KIF26B: variants seen among roughly 807,000 people sequenced by gnomAD.
KIF26B encodes the protein kinesin-like protein KIF26B.
Under a neutral mutation model 151.2 loss-of-function variants are expected in KIF26B, and 63 were observed. The ratio of observed to expected loss-of-function variants is 0.42; its 90% CI spans 0.34 to 0.51. KIF26B has a LOEUF of 0.51. Among genes scored for constraint, KIF26B ranks in the 20% least tolerant of loss-of-function variants. The probability of loss-of-function intolerance (pLI) is 0.07; values close to 1 mark genes in which losing one functional copy is unlikely to be tolerated. For synonymous variants in KIF26B, 1,357 were observed against 1,262.1 expected (o/e 1.08, Z -1.59); for missense variants, 2,813 against 2,913.6 (o/e 0.97, Z 0.79).
rs1558232535 is a variant in KIF26B, at chr1:245,602,817, G to A, written c.1557+34G>A. On this transcript the variant is annotated intron_variant, in intron 6 of 14. Coordinates refer to ENST00000407071, the MANE Select transcript of KIF26B (RefSeq NM_018012.4). The surrounding 1 kb of genome is among the most constrained non-coding windows in gnomAD (Gnocchi z 4.5). ...CAGCCCCCTCTCAGGCTCAGGCAAC[G>A]TTGATGAAAGGGCAACGTTTACTCA... 8.8e-6 allele frequency: 14 copies of A among 1,597,570 alleles called. No homozygotes were observed. Among genetic ancestry groups the A allele is most frequent in the East Asian group, 2.2e-5 (1 of 44,800 alleles).
At chr1:245,653,654 C>T (rs553622431) in intron 10 of KIF26B, among the ~76,000 whole-genome samples, 14 of 152,276 alleles carry the variant, frequency 9.2e-5, no homozygotes, top group South Asian at 4.2e-4. Flanking sequence ...CACCCCCCAC[C>T]GAGTACAGTT....
intron 2 of KIF26B, among the ~76,000 whole-genome samples, chr1:245,328,197 C>A (rs928009617): frequency 6.7e-6 from 1 of 149,898 alleles, no homozygotes; most frequent in African/African-American, 2.5e-5. Context: ...GGTGCCTGAG[C>A]CTCCTGTGCC....
intron 3 of KIF26B, among the ~76,000 whole-genome samples, chr1:245,407,833 CTATT>C (rs1364245074): frequency 6.6e-6 from 1 of 152,126 alleles, no homozygotes; most frequent in Non-Finnish European, 1.5e-5. Flanking sequence ...CTAAGGTTGA[CTATT>C]TACTTGGGGA....
intron 5 of KIF26B, among the ~76,000 whole-genome samples, chr1:245,547,499 T>A (rs569143221): frequency 3.4e-5 from 5 of 145,402 alleles, no homozygotes; most frequent in Admixed American, 2.9e-4. Flanking sequence ...GGCAGGAGGA[T>A]CACTTGAACC....
At chr1:245,205,947 AGGG>A (rs1162045530) in intron 2 of KIF26B, among the ~76,000 whole-genome samples, 2 of 148,112 alleles carry the variant, frequency 1.4e-5, no homozygotes, top group Non-Finnish European at 3.0e-5. Flanking sequence ...TATGTTGCCC[AGGG>A]TGGTCTGGAA....
intron 12 of KIF26B, among the ~76,000 whole-genome samples, chr1:245,697,860 C>T (rs1002914318): frequency 2.6e-4 from 39 of 152,128 alleles, no homozygotes; most frequent in Non-Finnish European, 4.3e-4. Context: ...GGCAATATAG[C>T]AAGATGTCGT....
chr1:245,336,900 C>T (rs1023450061), intron 2 of KIF26B, among the ~76,000 whole-genome samples: 1 of 152,168 alleles, frequency 6.6e-6, no homozygotes, highest in African/African-American at 2.4e-5. Flanking sequence ...GCCTCATTAA[C>T]AGTTGAAGAA....
intron 2 of KIF26B, among the ~76,000 whole-genome samples, chr1:245,277,473 G>A (rs768641317): frequency 1.3e-5 from 2 of 152,182 alleles, no homozygotes; most frequent in African/African-American, 2.4e-5. Flanking sequence ...TGCTCTTGGT[G>A]CCCCCTGCAG....
intron 12 of KIF26B, among the ~76,000 whole-genome samples, chr1:245,690,273 C>G (rs1429769178): frequency 6.6e-6 from 1 of 152,242 alleles, no homozygotes; most frequent in Non-Finnish European, 1.5e-5. Flanking sequence ...CCCTCCTGGC[C>G]TGTCTCTCCC....
At chr1:245,684,097 C>G in intron 10 of KIF26B, 136 bp from the exon 11 acceptor site, 1 of 853,252 alleles carries the variant, frequency 1.2e-6, no homozygotes, top group East Asian at 2.6e-5. Flanking sequence ...GAAAATGATG[C>G]TAATTAGTAT....
chr1:245,194,886 G>C (rs907739522), intron 2 of KIF26B, among the ~76,000 whole-genome samples: 10 of 152,108 alleles, frequency 6.6e-5, no homozygotes, highest in African/African-American at 2.4e-4. Flanking sequence ...GTATGGGGGT[G>C]TGTGTGTGTA....
At chr1:245,282,956 G>A (rs1003540562) in intron 2 of KIF26B, 14 of 310,570 alleles carry the variant, frequency 4.5e-5, no homozygotes, top group South Asian at 1.2e-4. Context: ...AGCCACCACC[G>A]AAGGCAGATT....
rs113243753 is a variant in KIF26B at position 245,563,241 on chromosome 1, C to T, written c.1350+22291C>T. 1.1e-3 allele frequency among the ~76,000 whole-genome samples: 174 copies of T among 152,304 alleles called. 1 individual carries two copies. The highest frequency in any genetic ancestry group is 0.01 in the Middle Eastern group (3 of 294). ...TGAACCCATCAGATGTAAAATCCCCCATTTTATCACCGAACAACCTGTTTC... is the reference window on the plus strand; with the variant it reads ...TGAACCCATCAGATGTAAAATCCCCTATTTTATCACCGAACAACCTGTTTC... On this transcript the variant is annotated intron_variant, in intron 5 of 14. Coordinates refer to ENST00000407071, the MANE Select transcript of KIF26B (RefSeq NM_018012.4). This position sits in a 1 kb window ranked among gnomAD's most constrained non-coding sequence, Gnocchi z 4.6.
chr1:245,479,473 GTTT>G (rs1660114657), intron 4 of KIF26B, among the ~76,000 whole-genome samples: 2 of 151,802 alleles, frequency 1.3e-5, no homozygotes, highest in South Asian at 4.2e-4. Flanking sequence ...TGCTTTCAGA[GTTT>G]TTTTGTTGTT....
intron 10 of KIF26B, among the ~76,000 whole-genome samples, chr1:245,673,027 C>T (rs1478922647): frequency 2.6e-5 from 4 of 151,916 alleles, no homozygotes; most frequent in African/African-American, 7.2e-5. Context: ...CCCCACGGCG[C>T]GCTGCCATCT....
chr1:245,408,495 T>C (rs1674193627), intron 3 of KIF26B, among the ~76,000 whole-genome samples: 1 of 151,762 alleles, frequency 6.6e-6, no homozygotes, highest in South Asian at 2.1e-4. Context: ...GCTGGGCTTA[T>C]AGGCACACGC....
Position 245,702,500 on chromosome 1 carries a change from T to G in KIF26B, c.6221T>G (p.Leu2074Arg). Reference sequence around the variant, plus strand: ...TGGGAGCTGGATTCCCTGGAGTACCTGGAGGCACTGGAGTGTGTGACGGAG... The same window carrying G: ...TGGGAGCTGGATTCCCTGGAGTACCGGGAGGCACTGGAGTGTGTGACGGAG... ...QVWELDSLEY[L>R]EALECVTERL... The change falls in exon 15 of 15, where the codon CTG (leucine) becomes CGG (arginine). Residue 2074 changes from leucine (L) to arginine (R), a missense_variant. Physicochemically the swap from Leu to Arg is moderately radical, Grantham distance 102. Coordinates refer to ENST00000407071, the MANE Select transcript of KIF26B (RefSeq NM_018012.4). This position sits in a 1 kb window ranked among gnomAD's most constrained non-coding sequence, Gnocchi z 4.1. 1.2e-6 allele frequency: 2 copies of G among 1,613,904 alleles called. No individual in the cohort carries two copies. The highest frequency in any genetic ancestry group is 1.7e-6 in the Non-Finnish European group (2 of 1,179,876).
chr1:245,444,885 A>G (rs1659212554), intron 4 of KIF26B, among the ~76,000 whole-genome samples: 1 of 152,194 alleles, frequency 6.6e-6, no homozygotes, highest in African/African-American at 2.4e-5. Flanking sequence ...CTTCGAAACC[A>G]ATAGCCACGT....
At chr1:245,230,154 C>CAA (rs1178666462) in intron 2 of KIF26B, among the ~76,000 whole-genome samples, 97 of 69,072 alleles carry the variant, frequency 1.4e-3, no homozygotes, top group African/African-American at 3.7e-3. Flanking sequence ...AAACAAAAAG[C>CAA]AAAAAAAAAA....
Sources: allele counts gnomAD v4.1 joint callset (sites outside exome capture counted in the v4.1 genomes callset), GRCh38; gene constraint gnomAD v4.1.1; non-coding constraint Gnocchi (gnomAD v3.1); transcripts MANE v1.5; gene names NCBI Gene and HGNC (gene_info 2026-07-23, HGNC 2026-07-21).